INHBC: variants seen among roughly 807,000 people sequenced by gnomAD.
INHBC encodes inhibin beta C chain.
In INHBC, 10 loss-of-function variants were observed where a neutral mutation model predicts 12.4. The ratio of observed to expected loss-of-function variants is 0.81; its 90% CI spans 0.50 to 1.37. The LOEUF (loss-of-function observed/expected upper bound fraction) is 1.37, where lower values mean the gene tolerates loss of function less well. Among genes scored for constraint, INHBC ranks in the 40% most tolerant of loss-of-function variants. The pLI is 0.00. For missense variants in INHBC, 382 were observed against 439.4 expected (o/e 0.87, Z 1.17); for synonymous variants, 147 against 171.6 (o/e 0.86, Z 1.12).
chr12:57,449,190 ACAACT>A (rs1040963165), intron 1 of INHBC, 82 bp from the exon 2 acceptor site: 2 of 1,481,746 alleles, frequency 1.3e-6, no homozygotes, highest in African/African-American at 1.4e-5. Context: ...AGTGCTATAG[ACAACT>A]CAAGAATGCT....
intron 1 of INHBC, among the ~76,000 whole-genome samples, chr12:57,435,458 C>T (rs977812750): frequency 1.3e-5 from 2 of 152,106 alleles, no homozygotes; most frequent in Non-Finnish European, 2.9e-5. Context: ...TCATCTCCTC[C>T]GGCTCCTCTC....
At chr12:57,438,201 G>A (rs533975) in intron 1 of INHBC, among the ~76,000 whole-genome samples, 64,975 of 151,968 alleles carry the variant, frequency 0.43, 14,775 homozygotes, top group South Asian at 0.52. Context: ...TGTGTTAAAT[G>A]GGGATAATAA....
intron 1 of INHBC, among the ~76,000 whole-genome samples, chr12:57,447,595 A>AT (rs1265050977): frequency 1.3e-5 from 2 of 151,134 alleles, no homozygotes; most frequent in South Asian, 2.1e-4. Flanking sequence ...GATTAAAAAA[A>AT]ATATATAGGC....
intron 1 of INHBC, among the ~76,000 whole-genome samples, 199 bp downstream of exon 1, chr12:57,435,398 T>C (rs1424939348): frequency 6.6e-6 from 1 of 152,128 alleles, no homozygotes; most frequent in Non-Finnish European, 1.5e-5. Context: ...ACCTGACCAA[T>C]AGGCAGCTGG....
In INHBC at chr12:57,440,491, C is replaced by A. The variant is rs141801978; in HGVS notation, c.313+5292C>A. Among the ~76,000 whole-genome samples the A allele has an allele frequency of 6.4e-3, 980 of 152,104 alleles. 3 individuals are homozygous for A. Among genetic ancestry groups the A allele is most frequent in the Non-Finnish European group, 9.7e-3 (662 of 67,996 alleles). The stretch of plus-strand genomic sequence containing the variant: ...GGGACTACAGGTGCACACCACCACA[C>A]CCAGCTAATTTTCGTATTTTTAGTA... On this transcript the variant is annotated intron_variant, in intron 1 of 1. Transcript: ENST00000309668.
At position 57,450,527 on chromosome 12, in the gene INHBC, C is replaced by T. The variant is rs1055097863; in HGVS notation, c.*505C>T. 3 of 152,526 alleles carry T rather than the reference C, an allele frequency of 2.0e-5. No homozygotes were observed. The East Asian group carries it at 5.8e-4, about 29-fold the overall frequency. The allele number at this position is 152,526 out of a possible 1,614,324, so 9.4% of individuals were successfully genotyped here. On this transcript the variant is annotated 3_prime_UTR_variant, in exon 2 of 2. Transcript: ENST00000309668. ...CCCAAAATAGAGGCTTACCTACCCCCCTCTTTGTTGTGAGCCCCTGTCCTT... is the reference window on the plus strand; with the variant it reads ...CCCAAAATAGAGGCTTACCTACCCCTCTCTTTGTTGTGAGCCCCTGTCCTT...
At position 57,435,929 on chromosome 12, in the gene INHBC, C is replaced by T. The variant is rs191046908; in HGVS notation, c.313+730C>T. ...TGGCGTGATCTCGGCTCACTGCAACCTCCACCTCCTGAGTTCAAGGAATTC... is the reference window on the plus strand; with the variant it reads ...TGGCGTGATCTCGGCTCACTGCAACTTCCACCTCCTGAGTTCAAGGAATTC... On this transcript the variant is annotated intron_variant, in intron 1 of 1. Coordinates refer to ENST00000309668, the MANE Select transcript of INHBC (RefSeq NM_005538.4). 8.2e-3 allele frequency among the ~76,000 whole-genome samples: 1,247 copies of T among 151,850 alleles called. 11 individuals carry two copies. Among genetic ancestry groups the T allele is most frequent in the Non-Finnish European group, 9.7e-3 (656 of 67,942 alleles).
intron 1 of INHBC, among the ~76,000 whole-genome samples, 168 bp from the exon 2 acceptor site, chr12:57,449,109 A>T (rs577043516): frequency 1.3e-5 from 2 of 152,308 alleles, no homozygotes; most frequent in East Asian, 3.9e-4. Flanking sequence ...ACTTCCCAAC[A>T]CCACTGCATT....
chr12:57,443,980 G>A (rs546138548), intron 1 of INHBC, among the ~76,000 whole-genome samples: 1 of 151,882 alleles, frequency 6.6e-6, no homozygotes, highest in South Asian at 2.1e-4. Flanking sequence ...GTAGAAATGG[G>A]GTTTCACCCT....
Position 57,449,763 on chromosome 12 carries a change from A to G in INHBC, c.800A>G (p.Gln267Arg). 1 of 1,614,246 alleles carries G rather than the reference A, an allele frequency of 6.2e-7. No homozygotes were observed. The highest frequency in any genetic ancestry group is 8.5e-7 in the Non-Finnish European group (1 of 1,180,040). The change falls in exon 2 of 2, where the codon CAG becomes CGG. Residue 267 changes from glutamine to arginine, a missense_variant. Gln to Arg is a conservative substitution (Grantham distance 43). Coordinates refer to ENST00000309668, the MANE Select transcript of INHBC (RefSeq NM_005538.4). ...ATTGGCTGGCACGACTGGATCATCC[A>G]GCCTGAGGGCTACGCCATGAACTTC... ...REIGWHDWII[Q>R]PEGYAMNFCI...
rs773560476 is a variant in INHBC at position 57,451,475 on chromosome 12, G to A, written c.*1453G>A. ...GAGGGTGGCATTTGCTCTGAGACTG[G>A]GTCCTTTTTAGACCTTTGCCCGTCC... On this transcript the variant is annotated 3_prime_UTR_variant, in exon 2 of 2. Coordinates refer to ENST00000309668, the MANE Select transcript of INHBC (RefSeq NM_005538.4). Among the ~76,000 whole-genome samples, 1 of 152,146 alleles carries A rather than the reference G, an allele frequency of 6.6e-6. No individual in the cohort carries two copies. Among genetic ancestry groups the A allele is most frequent in the Non-Finnish European group, 1.5e-5 (1 of 68,022 alleles).
intron 1 of INHBC, among the ~76,000 whole-genome samples, chr12:57,446,288 A>G (rs1870577599): frequency 6.6e-6 from 1 of 151,974 alleles, no homozygotes; most frequent in Admixed American, 6.6e-5. Context: ...TGGATGTCCA[A>G]GTCAAATATC....
intron 1 of INHBC, among the ~76,000 whole-genome samples, chr12:57,440,782 A>G (rs1870446366): frequency 6.6e-6 from 1 of 152,222 alleles, no homozygotes; most frequent in Non-Finnish European, 1.5e-5. Context: ...AAGTTACCAC[A>G]GGTGATAGCC....
At chr12:57,448,511 G>T (rs1870636522) in intron 1 of INHBC, among the ~76,000 whole-genome samples, 1 of 149,750 alleles carries the variant, frequency 6.7e-6, no homozygotes, top group African/African-American at 2.5e-5. Context: ...AGAGGTTGCA[G>T]TGAGCCAACC....
chr12:57,434,945 C>T lies in INHBC; in HGVS notation c.59C>T (p.Pro20Leu). The change falls in exon 1 of 2, where the codon CCC (proline) becomes CTC (leucine). Residue 20 changes from proline to leucine, a missense_variant. Transcript: ENST00000309668. ...CTGGCTCCAACCACAGTGGCCACTC[C>T]CAGAGCTGGCGGTCAGTGTCCAGCA... ...LLLAPTTVAT[P>L]RAGGQCPACG... is the part of the protein sequence containing the mutation. 6.2e-7 allele frequency: 1 copy of T among 1,614,214 alleles called. No individual in the cohort carries two copies.
At chr12:57,444,179 C>T (rs1870528018) in intron 1 of INHBC, among the ~76,000 whole-genome samples, 1 of 152,154 alleles carries the variant, frequency 6.6e-6, no homozygotes, top group South Asian at 2.1e-4. Flanking sequence ...CCGCTGTTTT[C>T]ATGGAGCTTA....
intron 1 of INHBC, among the ~76,000 whole-genome samples, chr12:57,446,799 C>T (rs1870588976): frequency 6.6e-6 from 1 of 151,582 alleles, no homozygotes; most frequent in African/African-American, 2.4e-5. Flanking sequence ...CACGCCTGGC[C>T]TGACTTCCAA....
Position 57,451,830 on chromosome 12 carries a change from C to T in INHBC, c.*1808C>T. 2.2e-6 allele frequency: 1 copy of T among 455,756 alleles called. No individual in the cohort carries two copies. The highest frequency in any genetic ancestry group is 1.5e-5 in the South Asian group (1 of 64,526). The allele number at this position is 455,756 out of a possible 1,614,324, so 28.2% of individuals were successfully genotyped here. A position where few individuals can be genotyped will look rare whatever the true frequency, so the allele number is the denominator to read the frequency against. On this transcript the variant is annotated 3_prime_UTR_variant, in exon 2 of 2. Coordinates refer to ENST00000309668, the MANE Select transcript of INHBC (RefSeq NM_005538.4). ...GCCTTCTGGTGTCTCCCCCACACATCCCCGACCCCCAGATCTAACCTCCTT... is the reference window on the plus strand; with the variant it reads ...GCCTTCTGGTGTCTCCCCCACACATTCCCGACCCCCAGATCTAACCTCCTT...
rs1282810255 is a variant in INHBC at position 57,450,675 on chromosome 12, C to T, written c.*653C>T. On this transcript the variant is annotated 3_prime_UTR_variant, in exon 2 of 2. Coordinates refer to ENST00000309668, the MANE Select transcript of INHBC (RefSeq NM_005538.4). The stretch of plus-strand genomic sequence containing the variant: ...CCTGAGCTCTATCACCTGAGCTCCC[C>T]TGCCCTCTGGCTTCCTGCTGAGGTC... 6.6e-6 allele frequency: 1 copy of T among 152,278 alleles called. No homozygotes were observed. The highest frequency in any genetic ancestry group is 1.5e-5 in the Non-Finnish European group (1 of 68,098). The allele number at this position is 152,278 out of a possible 1,614,324, so 9.4% of individuals were successfully genotyped here.
Sources: allele counts gnomAD v4.1 joint callset (sites outside exome capture counted in the v4.1 genomes callset), GRCh38; gene constraint gnomAD v4.1.1; transcripts MANE v1.5; gene names NCBI Gene and HGNC (gene_info 2026-07-23, HGNC 2026-07-21).